The following HNF4G variants were observed in gnomAD, a reference collection of about 807,000 sequenced individuals.
The protein encoded by HNF4G is hepatocyte nuclear factor 4-gamma.
In HNF4G, 21 loss-of-function variants were observed where a neutral mutation model predicts 50.9. That is an observed-to-expected ratio of 0.41 (90% CI 0.29 to 0.59). The LOEUF is 0.59. Ranked by LOEUF, HNF4G falls within the 20% of genes least tolerant of loss-of-function variation. The probability of loss-of-function intolerance (pLI) is 0.26; values close to 1 mark genes in which losing one functional copy is unlikely to be tolerated. For synonymous variants in HNF4G, 198 were observed against 185.6 expected (o/e 1.07, Z -0.54); for missense variants, 527 against 559.4 (o/e 0.94, Z 0.58).
intron 6 of HNF4G, 88 bp downstream of exon 6, chr8:75,556,157 A>G: frequency 1.8e-6 from 1 of 552,030 alleles, no homozygotes; most frequent in Non-Finnish European, 3.1e-6. Flanking sequence ...TGTACCAAGT[A>G]TTTACAGACA....
intron 2 of HNF4G, among the ~76,000 whole-genome samples, chr8:75,521,524 T>C (rs1215833147): frequency 4.6e-5 from 7 of 152,222 alleles, no homozygotes; most frequent in Admixed American, 4.6e-4. Flanking sequence ...TTTAATTTAG[T>C]GAGGATTCTT....
At chr8:75,484,511 C>T (rs1468887276) in intron 1 of HNF4G, among the ~76,000 whole-genome samples, 1 of 152,212 alleles carries the variant, frequency 6.6e-6, no homozygotes, top group Admixed American at 6.5e-5. Flanking sequence ...CTTCAGGTTC[C>T]AGCTTAAGTG....
chr8:75,525,940 A>G (rs1023601141), intron 2 of HNF4G, among the ~76,000 whole-genome samples: 7 of 152,186 alleles, frequency 4.6e-5, no homozygotes, highest in African/African-American at 1.7e-4. Flanking sequence ...ACAAATGTAA[A>G]GGATGAATCA....
chr8:75,427,167 ATC>A (rs1329599888), intron 1 of HNF4G, among the ~76,000 whole-genome samples: 1 of 152,188 alleles, frequency 6.6e-6, no homozygotes, highest in African/African-American at 2.4e-5. Flanking sequence ...TTTACTCATG[ATC>A]TCTCTGTATT....
At chr8:75,413,708 G>A (rs1288374925) in intron 1 of HNF4G, among the ~76,000 whole-genome samples, 4 of 151,650 alleles carry the variant, frequency 2.6e-5, no homozygotes, top group East Asian at 2.0e-4. Context: ...ACAAAAAAAT[G>A]AGCATGGGCA....
At chr8:75,488,132 C>T (rs1223059867) in intron 1 of HNF4G, among the ~76,000 whole-genome samples, 1 of 152,146 alleles carries the variant, frequency 6.6e-6, no homozygotes, top group Non-Finnish European at 1.5e-5. Context: ...CCATATCACT[C>T]CTTGAGGGTA....
chr8:75,487,894 C>T (rs1228492809), intron 1 of HNF4G, among the ~76,000 whole-genome samples: 1 of 152,130 alleles, frequency 6.6e-6, no homozygotes, highest in Non-Finnish European at 1.5e-5. Flanking sequence ...GAAGGGGAAG[C>T]AAACACGGCC....
intron 1 of HNF4G, among the ~76,000 whole-genome samples, chr8:75,466,104 T>C (rs887341550): frequency 2.0e-5 from 3 of 152,186 alleles, no homozygotes; most frequent in African/African-American, 7.2e-5. Context: ...AAATATCAAG[T>C]AGAGGCTCAT....
At chr8:75,415,511 A>G (rs1440946280) in intron 1 of HNF4G, among the ~76,000 whole-genome samples, 2 of 152,194 alleles carry the variant, frequency 1.3e-5, no homozygotes, top group Non-Finnish European at 2.9e-5. Flanking sequence ...GAATATAAAG[A>G]CTTATGGAAT....
intron 1 of HNF4G, among the ~76,000 whole-genome samples, chr8:75,489,578 C>A (rs1812574741): frequency 6.6e-6 from 1 of 152,116 alleles, no homozygotes; most frequent in African/African-American, 2.4e-5. Flanking sequence ...AACTCTATAA[C>A]TTTCTGATTT....
chr8:75,426,454 C>A (rs933958545), intron 1 of HNF4G, among the ~76,000 whole-genome samples: 1 of 152,186 alleles, frequency 6.6e-6, no homozygotes, highest in Non-Finnish European at 1.5e-5. Flanking sequence ...ATTAAGCAGA[C>A]ACTTCTTTTA....
chr8:75,410,498 G>A (rs1341651207), intron 1 of HNF4G, among the ~76,000 whole-genome samples: 4 of 152,080 alleles, frequency 2.6e-5, no homozygotes, highest in Non-Finnish European at 5.9e-5. Flanking sequence ...ATCTTATTCT[G>A]AGCTTGTAAA....
intron 1 of HNF4G, among the ~76,000 whole-genome samples, chr8:75,428,044 T>C (rs1298904857): frequency 6.6e-6 from 1 of 152,184 alleles, no homozygotes; most frequent in Non-Finnish European, 1.5e-5. Context: ...CATTGCTTTA[T>C]ATACTTATAA....
At chr8:75,480,500 G>A (rs16939080) in intron 1 of HNF4G, among the ~76,000 whole-genome samples, 29,464 of 152,140 alleles carry the variant, frequency 0.19, 3,257 homozygotes, top group African/African-American at 0.3. Flanking sequence ...AATTCAGGCG[G>A]AGGTGAAGTA....
Position 75,448,251 on chromosome 8 carries a change from T to G in HNF4G, c.-144+40089T>G, listed in dbSNP as rs1585852053. On this transcript the variant is annotated intron_variant, in intron 1 of 10. Coordinates refer to the HNF4G transcript ENST00000354370. ...TGAACAGTGAGATCACCTGGACACA[T>G]GAAGGGGAATACCACACTCTGGGGA... Among the ~76,000 whole-genome samples, 12 of 122,962 alleles carry G rather than the reference T, an allele frequency of 9.8e-5. No homozygotes were observed. In the South Asian group the frequency reaches 2.9e-3, roughly 30 times the overall value. 80.7% of individuals were successfully genotyped at this position (122,962 alleles called of 152,430 possible).
rs1298795228 is a variant in HNF4G at position 75,565,977 on chromosome 8, TG to T, written c.*1882del. 1 of 152,122 alleles carries T rather than the reference TG, an allele frequency of 6.6e-6. No individual in the cohort carries two copies. The highest frequency in any genetic ancestry group is 1.5e-5 in the Non-Finnish European group (1 of 68,036). The allele number at this position is 152,122 out of a possible 1,614,324, so 9.4% of individuals were successfully genotyped here. A position where few individuals can be genotyped will look rare whatever the true frequency, so the allele number is the denominator to read the frequency against. The stretch of plus-strand genomic sequence containing the variant: ...TTCGTGAATAAGAATGTTTTGATTT[TG>T]ATCATACAAATAACTTTTGTAGATT... On this transcript the variant is annotated 3_prime_UTR_variant, in exon 10 of 10. Transcript: ENST00000396423.
intron 2 of HNF4G, among the ~76,000 whole-genome samples, chr8:75,504,226 C>A (rs1813005750): frequency 9.1e-6 from 1 of 110,120 alleles, no homozygotes; most frequent in Non-Finnish European, 1.8e-5. Context: ...GTCCAAAGCA[C>A]ACAGACACAC....
At chr8:75,535,674 G>A (rs2941463), upstream of HNF4G, among the ~76,000 whole-genome samples, 100,129 of 151,744 alleles carry the variant, frequency 0.66, 34,914 homozygotes, top group African/African-American at 0.9. Flanking sequence ...CTATTTTACA[G>A]TAAAATGTTT....
At chr8:75,416,754 G>A (rs993978423) in intron 1 of HNF4G, among the ~76,000 whole-genome samples, 1 of 152,126 alleles carries the variant, frequency 6.6e-6, no homozygotes, top group Non-Finnish European at 1.5e-5. Flanking sequence ...TAGAAGGCTT[G>A]AGCTTCTTTT....
Sources: gnomAD v4.1 joint callset for allele counts (sites outside exome capture counted in the v4.1 genomes callset) on GRCh38, gnomAD v4.1.1 for gene constraint, MANE v1.5 for transcripts, NCBI Gene and HGNC (gene_info 2026-07-23, HGNC 2026-07-21) for gene names.